The following CHRNE variants were observed in gnomAD, a reference collection of about 807,000 sequenced individuals.
The protein encoded by CHRNE is cholinergic receptor nicotinic epsilon subunit.
In CHRNE, 58 loss-of-function variants were observed where a neutral mutation model predicts 56.5. The ratio of observed to expected loss-of-function variants is 1.03; its 90% CI spans 0.83 to 1.28. CHRNE has a LOEUF of 1.28. Ranked by LOEUF, CHRNE falls within the 50% of genes most tolerant of loss-of-function variation. The pLI is 0.00. For synonymous variants in CHRNE, 385 were observed against 297.9 expected (o/e 1.29, Z -3.01); for missense variants, 793 against 688.9 (o/e 1.15, Z -1.69).
chr17:4,901,804 C>A, intron 5 of CHRNE, 128 bp downstream of exon 5: 1 of 1,413,242 alleles, frequency 7.1e-7, no homozygotes, highest in Non-Finnish European at 9.9e-7. Context: ...GCGTCCCACC[C>A]AGTGCCTACG....
rs1189175877 is a variant in CHRNE, at chr17:4,898,509, G to A, written c.*227C>T. ...GAATGAAGGGCAGTCCTTGCTTTCT[G>A]GAAGACTGGCACCTGAGAGCCTATG... On this transcript the variant is annotated 3_prime_UTR_variant, in exon 12 of 12. Transcript: ENST00000649488. The A allele has an allele frequency of 1.7e-5, 10 of 604,810 alleles. No homozygotes were observed. Among genetic ancestry groups the A allele is most frequent in the African/African-American group, 3.7e-5 (2 of 54,076 alleles). The allele number at this position is 604,810 out of a possible 1,614,324, so 37.5% of individuals were successfully genotyped here.
In CHRNE at chr17:4,897,990, C is replaced by A. The variant is rs553081443; in HGVS notation, c.*746G>T. 6.7e-6 allele frequency: 1 copy of A among 149,570 alleles called. No homozygotes were observed. The highest frequency in any genetic ancestry group is 2.4e-5 in the African/African-American group (1 of 41,136). 9.3% of individuals were successfully genotyped at this position (149,570 alleles called of 1,614,324 possible). A position where few individuals can be genotyped will look rare whatever the true frequency, so the allele number is the denominator to read the frequency against. On this transcript the variant is annotated 3_prime_UTR_variant, in exon 12 of 12. Transcript: ENST00000649488. ...AGCAAGTAACCCTTCTCCCTCCCCC[C>A]CCACCCCTCCTCAATGTAGTGGCCT... is the stretch of plus-strand genomic sequence containing the variant.
rs1597611799 is a variant in CHRNE, at chr17:4,898,473, T to G, written c.*263A>C. 5.6e-6 allele frequency: 3 copies of G among 539,074 alleles called. No individual in the cohort carries two copies. Among genetic ancestry groups the G allele is most frequent in the Non-Finnish European group, 1.0e-5 (3 of 299,450 alleles). The allele number at this position is 539,074 out of a possible 1,614,324, so 33.4% of individuals were successfully genotyped here. ...GCTGAGCCTTAGAAAGGCTGGGAGG[T>G]CAGCAAGGCTGAATGAAGGGCAGTC... On this transcript the variant is annotated 3_prime_UTR_variant, in exon 12 of 12. Transcript: ENST00000649488.
chr17:4,902,229 A>G lies in CHRNE; in HGVS notation c.332T>C (p.Val111Ala), dbSNP rs1445875413. The G allele has an allele frequency of 3.7e-6, 6 of 1,613,974 alleles. No individual in the cohort carries two copies. The highest frequency in any genetic ancestry group is 5.1e-6 in the Non-Finnish European group (6 of 1,179,994). ...GCCCGGTTCTCACTTGTTTTCCAGC[A>G]CAATCTCTGGCAGCCACACGAGTTC... The part of the protein sequence containing the change: ...PSELVWLPEI[V>A]LENNIDGQFG... The change falls in exon 4 of 12, where the codon GTG becomes GCG. Residue 111 changes from valine (V) to alanine (A), a missense_variant. Coordinates refer to ENST00000649488, the MANE Select transcript of CHRNE (RefSeq NM_000080.4). The surrounding 1 kb of genome is among the most constrained non-coding windows in gnomAD (Gnocchi z 4.0).
chr17:4,900,501 G>A, intron 8 of CHRNE: 2 of 1,550,980 alleles, frequency 1.3e-6, no homozygotes, highest in South Asian at 1.2e-5. Context: ...AATCCCCGGA[G>A]AACCGGTGAG....
Position 4,898,887 on chromosome 17 carries a change from A to G in CHRNE, c.1331T>C (p.Val444Ala). 1.3e-6 allele frequency: 2 copies of G among 1,578,476 alleles called. No individual in the cohort carries two copies. The highest frequency in any genetic ancestry group is 1.7e-6 in the Non-Finnish European group (2 of 1,162,554). ...ATTCCCCATGCGCACCCAGTCGGAC[A>G]CTTCCTGGGGAAGGGTCGGCACAGT... ...TRDQEATGEE[V>A]SDWVRMGNAL... Residue 444 changes from valine (V) to alanine (A), a missense_variant, in exon 12 of 12, where the codon GTG becomes GCG. Physicochemically the swap from Val to Ala is moderately conservative, Grantham distance 64 (BLOSUM62 0). Transcript: ENST00000649488.
intron 10 of CHRNE, 38 bp downstream of exon 10, chr17:4,899,160 C>A (rs773835402): frequency 5.7e-6 from 9 of 1,592,050 alleles, no homozygotes; most frequent in East Asian, 2.3e-5. Flanking sequence ...CTGGCAGGCA[C>A]CCCGCGCGGC....
rs755779868 is a variant in CHRNE, at chr17:4,902,207, C to T, written c.344+10G>A. 2.5e-6 allele frequency: 4 copies of T among 1,613,892 alleles called. No homozygotes were observed. In the South Asian group the frequency reaches 3.3e-5, roughly 13 times the overall value. On this transcript the variant is annotated intron_variant, in intron 4 of 11. Coordinates refer to ENST00000649488, the MANE Select transcript of CHRNE (RefSeq NM_000080.4). This position sits in a 1 kb window ranked among gnomAD's most constrained non-coding sequence, Gnocchi z 4.0. The stretch of plus-strand genomic sequence containing the variant: ...CTTCCCTCCAGCCTGGCGTCTGGCC[C>T]GGTTCTCACTTGTTTTCCAGCACAA...
intron 8 of CHRNE, chr17:4,899,876 G>A (rs763258127): frequency 1.3e-6 from 2 of 1,549,332 alleles, no homozygotes; most frequent in South Asian, 1.2e-5. Context: ...TTCTGGGTAG[G>A]TCTCCTGTTC....
At chr17:4,900,161 G>A (rs1597617287) in intron 8 of CHRNE, 1 of 1,547,510 alleles carries the variant, frequency 6.5e-7, no homozygotes. Flanking sequence ...GTACTGGGGG[G>A]CTTAGGATAC....
rs1225812287 is a variant in CHRNE, at chr17:4,898,662, C to T, written c.*74G>A. ...CAGCAGGGGGAAGGGATCATAATGC[C>T]GTGGTGGCGGCAGCCTACTTTTTCA... On this transcript the variant is annotated 3_prime_UTR_variant, in exon 12 of 12. Coordinates refer to ENST00000649488, the MANE Select transcript of CHRNE (RefSeq NM_000080.4). 3.9e-6 allele frequency: 6 copies of T among 1,534,386 alleles called. No individual in the cohort carries two copies. The African/African-American group carries it at 5.4e-5, about 14-fold the overall frequency.
rs767170942 is a variant in CHRNE at position 4,898,696 on chromosome 17, T to C, written c.*40A>G. On this transcript the variant is annotated 3_prime_UTR_variant, in exon 12 of 12. Transcript: ENST00000649488. ...GGCAGCCTACTTTTTCAAAATCAATTTCCTACTGGAGATGGGTGGGAAATT... is the reference window on the plus strand; with the variant it reads ...GGCAGCCTACTTTTTCAAAATCAATCTCCTACTGGAGATGGGTGGGAAATT... 6.9e-6 allele frequency: 11 copies of C among 1,592,766 alleles called. No individual in the cohort carries two copies. In the East Asian group the frequency reaches 2.3e-4, roughly 33 times the overall value.
At chr17:4,899,617 T>G (rs1441461422) in intron 8 of CHRNE, 35 bp from the exon 9 acceptor site, 5 of 1,506,858 alleles carry the variant, frequency 3.3e-6, no homozygotes. Context: ...TCACCGTTCC[T>G]CCTCCCAGCT....
At chr17:4,899,988 C>T in intron 8 of CHRNE, 1 of 1,551,562 alleles carries the variant, frequency 6.4e-7, no homozygotes, top group South Asian at 1.2e-5. Context: ...GTGGCCGCAG[C>T]CCATGAATAT....
In CHRNE at chr17:4,898,593, C is replaced by T. The variant is rs1327165223; in HGVS notation, c.*143G>A. The T allele has an allele frequency of 5.1e-6, 6 of 1,170,006 alleles. No homozygotes were observed. The highest frequency in any genetic ancestry group is 2.6e-5 in the East Asian group (1 of 38,932). 72.5% of individuals were successfully genotyped at this position (1,170,006 alleles called of 1,614,324 possible). ...GGCCAGGCCTACACACGCCAGGGAA[C>T]GGGCACACACCATTCTTGTGAAGTT... On this transcript the variant is annotated 3_prime_UTR_variant, in exon 12 of 12. Coordinates refer to ENST00000649488, the MANE Select transcript of CHRNE (RefSeq NM_000080.4).
intron 7 of CHRNE, 32 bp from the exon 8 acceptor site, chr17:4,900,939 C>T (rs1969962471): frequency 1.2e-6 from 2 of 1,613,880 alleles, no homozygotes; most frequent in Non-Finnish European, 1.7e-6. Context: ...GCGGGCCCCG[C>T]CTCCCGGGAG....
At chr17:4,908,460 G>A (rs1022144186) in intron 1 of CHRNE, among the ~76,000 whole-genome samples, 1 of 123,910 alleles carries the variant, frequency 8.1e-6, no homozygotes, top group Non-Finnish European at 1.8e-5. Flanking sequence ...CCAGTGCTGG[G>A]AGCAAAGCTC....
In CHRNE at chr17:4,898,598, AC is replaced by A. The variant is rs1969808021; in HGVS notation, c.*137del. 8.2e-7 allele frequency: 1 copy of A among 1,218,706 alleles called. No homozygotes were observed. Among genetic ancestry groups the A allele is most frequent in the African/African-American group, 1.5e-5 (1 of 66,688 alleles). The allele number at this position is 1,218,706 out of a possible 1,614,324, so 75.5% of individuals were successfully genotyped here. On this transcript the variant is annotated 3_prime_UTR_variant, in exon 12 of 12. Coordinates refer to ENST00000649488, the MANE Select transcript of CHRNE (RefSeq NM_000080.4). ...GGCCTACACACGCCAGGGAACGGGC[AC>A]ACACCATTCTTGTGAAGTTCACAAA...
Position 4,898,676 on chromosome 17 carries a change from CCTA to C in CHRNE, c.*57_*59del. 6.4e-7 allele frequency: 1 copy of C among 1,568,982 alleles called. No individual in the cohort carries two copies. The highest frequency in any genetic ancestry group is 8.6e-7 in the Non-Finnish European group (1 of 1,157,616). On this transcript the variant is annotated 3_prime_UTR_variant, in exon 12 of 12. Coordinates refer to ENST00000649488, the MANE Select transcript of CHRNE (RefSeq NM_000080.4). ...GATCATAATGCCGTGGTGGCGGCAG[CCTA>C]CTTTTTCAAAATCAATTTCCTACTG...
Sources: gnomAD v4.1 joint callset for allele counts (sites outside exome capture counted in the v4.1 genomes callset) on GRCh38, gnomAD v4.1.1 for gene constraint, Gnocchi (gnomAD v3.1) non-coding constraint, MANE v1.5 for transcripts, NCBI Gene and HGNC (gene_info 2026-07-23, HGNC 2026-07-21) for gene names.